Variants in KCNMB2 observed in about 807,000 individuals in gnomAD.
KCNMB2 encodes the protein potassium calcium-activated channel subfamily M regulatory beta subunit 2, also known as calcium-activated potassium channel subunit beta-2.
KCNMB2 carries 9 observed loss-of-function variants against 24.5 expected under a neutral mutation model. The ratio of observed to expected loss-of-function variants is 0.37; its 90% CI spans 0.22 to 0.64. KCNMB2 has a LOEUF of 0.64. Among genes scored for constraint, KCNMB2 ranks in the 30% least tolerant of loss-of-function variants. The pLI, the probability that KCNMB2 is intolerant of heterozygous loss-of-function variation, is 0.63. For missense variants in KCNMB2, 226 were observed against 284.3 expected (o/e 0.79, Z 1.47); for synonymous variants, 109 against 104.4 (o/e 1.04, Z -0.27).
chr3:178,733,586 T>C (rs1398663069), intron 1 of KCNMB2, among the ~76,000 whole-genome samples: 3 of 152,182 alleles, frequency 2.0e-5, no homozygotes, highest in African/African-American at 7.2e-5. Flanking sequence ...GTTCAAGTGA[T>C]TCTCTTGCCT....
At chr3:178,558,415 A>AT (rs1055377816) in intron 1 of KCNMB2, among the ~76,000 whole-genome samples, 39 of 152,226 alleles carry the variant, frequency 2.6e-4, no homozygotes, top group Admixed American at 8.5e-4. Flanking sequence ...CAATACAAGG[A>AT]TAGGAGCTGC....
At chr3:178,604,808 A>G (rs1298530960) in intron 1 of KCNMB2, among the ~76,000 whole-genome samples, 2 of 152,214 alleles carry the variant, frequency 1.3e-5, no homozygotes, top group African/African-American at 4.8e-5. Context: ...TATTTGACAC[A>G]AAGTAAATCA....
intron 1 of KCNMB2, among the ~76,000 whole-genome samples, chr3:178,612,996 T>C (rs1362943930): frequency 6.6e-6 from 1 of 152,222 alleles, no homozygotes; most frequent in African/African-American, 2.4e-5. Context: ...TAATACTGTT[T>C]GCATAAACAA....
chr3:178,582,955 A>G (rs1410153175), intron 1 of KCNMB2, among the ~76,000 whole-genome samples: 1 of 152,222 alleles, frequency 6.6e-6, no homozygotes, highest in East Asian at 1.9e-4. Context: ...GTAAAACTGA[A>G]GAAGGAAAGA....
intron 1 of KCNMB2, among the ~76,000 whole-genome samples, chr3:178,546,049 C>G (rs1224726131): frequency 2.0e-5 from 3 of 152,060 alleles, no homozygotes; most frequent in African/African-American, 7.2e-5. Flanking sequence ...TAGAACAGCA[C>G]AGGACTCATT....
At chr3:178,776,767 T>C (rs1421454393) in intron 1 of KCNMB2, among the ~76,000 whole-genome samples, 1 of 152,102 alleles carries the variant, frequency 6.6e-6, no homozygotes, top group African/African-American at 2.4e-5. Context: ...TCAGAAGTAA[T>C]TAGATGACAC....
intron 1 of KCNMB2, among the ~76,000 whole-genome samples, chr3:178,576,279 G>A (rs1716985766): frequency 6.6e-6 from 1 of 152,052 alleles, no homozygotes; most frequent in African/African-American, 2.4e-5. Flanking sequence ...GGGAAGCTGT[G>A]AGGGACTGTG....
At chr3:178,577,245 C>A (rs1460219488) in intron 1 of KCNMB2, among the ~76,000 whole-genome samples, 2 of 152,266 alleles carry the variant, frequency 1.3e-5, no homozygotes, top group Middle Eastern at 3.4e-3. Flanking sequence ...AGTGGACCTT[C>A]AGCAGATTAC....
At chr3:178,610,718 C>T (rs953946684) in intron 1 of KCNMB2, among the ~76,000 whole-genome samples, 5 of 152,134 alleles carry the variant, frequency 3.3e-5, no homozygotes, top group African/African-American at 4.8e-5. Context: ...CTTATTTTTC[C>T]AGTCAGGATG....
intron 1 of KCNMB2, among the ~76,000 whole-genome samples, chr3:178,566,537 G>T (rs1390082455): frequency 1.3e-5 from 2 of 152,036 alleles, no homozygotes; most frequent in African/African-American, 4.8e-5. Context: ...CCAAAACCAA[G>T]TCAAAAGAAA....
At chr3:178,670,637 A>T (rs111421733) in intron 1 of KCNMB2, among the ~76,000 whole-genome samples, 146 of 152,172 alleles carry the variant, frequency 9.6e-4, no homozygotes, top group Non-Finnish European at 1.8e-3. Context: ...CCCATTTTAC[A>T]GGTAATAAAA....
At chr3:178,672,189 A>G (rs769902356) in intron 1 of KCNMB2, among the ~76,000 whole-genome samples, 1 of 152,174 alleles carries the variant, frequency 6.6e-6, no homozygotes, top group Non-Finnish European at 1.5e-5. Context: ...AAATTTATAA[A>G]GCATTTTCTA....
At chr3:178,654,644 T>G (rs1408244735) in intron 1 of KCNMB2, among the ~76,000 whole-genome samples, 1 of 152,148 alleles carries the variant, frequency 6.6e-6, no homozygotes, top group Non-Finnish European at 1.5e-5. Flanking sequence ...ATACTTAGAC[T>G]TTTTTTAAAA....
chr3:178,603,476 AAGGAAGGAAGAAATGGGCAAAGG>A, intron 1 of KCNMB2, among the ~76,000 whole-genome samples: 1 of 90,338 alleles, frequency 1.1e-5, no homozygotes, highest in Non-Finnish European at 2.8e-5. Context: ...TGGGCAAAGG[AAGGAAGGAAGAAATGGGCAAAGG>A]AAGGAAAAAA....
At chr3:178,722,824 C>T (rs973061684) in intron 1 of KCNMB2, among the ~76,000 whole-genome samples, 3 of 152,022 alleles carry the variant, frequency 2.0e-5, no homozygotes, top group Non-Finnish European at 2.9e-5. Flanking sequence ...GCCCTGGGGG[C>T]GGAGGTTGTT....
intron 1 of KCNMB2, among the ~76,000 whole-genome samples, chr3:178,693,533 T>A (rs1407289270): frequency 6.6e-6 from 1 of 152,256 alleles, no homozygotes; most frequent in South Asian, 2.1e-4. Flanking sequence ...TTAGCTCTGT[T>A]AATGTGATGA....
intron 1 of KCNMB2, chr3:178,757,056 C>T (rs1457194384): frequency 2.0e-5 from 3 of 151,280 alleles, no homozygotes; most frequent in Non-Finnish European, 4.4e-5. Flanking sequence ...AGAGCCTTTC[C>T]TCATTACACC....
chr3:178,607,807 T>G, intron 1 of KCNMB2, among the ~76,000 whole-genome samples: 1 of 152,188 alleles, frequency 6.6e-6, no homozygotes, highest in Non-Finnish European at 1.5e-5. Flanking sequence ...TCTGTTATCT[T>G]GTTAATACAG....
chr3:178,842,816 T>C lies in KCNMB2; in HGVS notation c.587T>C (p.Leu196Pro). ...ILTKLYSSNV[L>P]FHSLFWPTCM... ...ACAAAACTCTACAGTTCCAACGTGC[T>C]GTTCCATTCACTCTTCTGGCCAACC... The change falls in exon 5 of 5, where the codon CTG (leucine) becomes CCG (proline). Residue 196 changes from leucine (L) to proline (P), a missense_variant. By Grantham distance (98) the Leu-to-Pro change is moderately conservative. Coordinates refer to ENST00000452583, the MANE Select transcript of KCNMB2 (RefSeq NM_181361.3). 7 of 1,614,066 alleles carry C rather than the reference T, an allele frequency of 4.3e-6. No homozygotes were observed. The highest frequency in any genetic ancestry group is 5.9e-6 in the Non-Finnish European group (7 of 1,179,926).
Sources: gnomAD v4.1 joint callset for allele counts (sites outside exome capture counted in the v4.1 genomes callset) on GRCh38, gnomAD v4.1.1 for gene constraint, MANE v1.5 for transcripts, NCBI Gene and HGNC (gene_info 2026-07-23, HGNC 2026-07-21) for gene names.